The following CDH13 variants were observed in gnomAD, a reference collection of about 807,000 sequenced individuals.
CDH13 encodes the protein cadherin 13.
CDH13 carries 24 observed loss-of-function variants against 63.8 expected under a neutral mutation model. The ratio of observed to expected loss-of-function variants is 0.38; its 90% CI spans 0.27 to 0.53. The LOEUF is 0.53. Among genes scored for constraint, CDH13 ranks in the 20% least tolerant of loss-of-function variants. The pLI, the probability that CDH13 is intolerant of heterozygous loss-of-function variation, is 0.85. For missense variants in CDH13, 1,049 were observed against 903.1 expected, an observed-to-expected ratio of 1.16 and a Z score of -2.07; for synonymous variants, 503 against 355.3, an observed-to-expected ratio of 1.42 and a Z score of -4.67.
chr16:83,522,839 C>T (rs570859549), intron 7 of CDH13, among the ~76,000 whole-genome samples: 2 of 152,254 alleles, frequency 1.3e-5, no homozygotes, highest in African/African-American at 2.4e-5. Context: ...AATTCCCCTC[C>T]ACCCCAAGGA....
rs1002497848 is a variant in CDH13, at chr16:83,345,015, C to T, written c.781+9C>T. ...GGAAGGGTCACCCACAGGTATGTCA[C>T]ATTGGCTTACCTTTAGCGTAATGGC... On this transcript the variant is annotated intron_variant, in intron 6 of 13. Transcript: ENST00000567109. The T allele has an allele frequency of 1.2e-6, 2 of 1,613,198 alleles. No homozygotes were observed. Among genetic ancestry groups the T allele is most frequent in the South Asian group, 1.1e-5 (1 of 90,962 alleles).
intron 5 of CDH13, among the ~76,000 whole-genome samples, chr16:83,283,475 C>G (rs563606750): frequency 1.3e-5 from 2 of 152,206 alleles, no homozygotes; most frequent in South Asian, 4.1e-4. Flanking sequence ...CCTGTAATCC[C>G]AACTACTTGG....
chr16:83,449,182 A>T (rs2072807761), intron 6 of CDH13, among the ~76,000 whole-genome samples: 1 of 152,176 alleles, frequency 6.6e-6, no homozygotes, highest in Admixed American at 6.5e-5. Flanking sequence ...TGCCACAATG[A>T]TCTATAATGA....
At chr16:82,794,700 A>G (rs916913680) in intron 1 of CDH13, among the ~76,000 whole-genome samples, 1 of 152,146 alleles carries the variant, frequency 6.6e-6, no homozygotes, top group Non-Finnish European at 1.5e-5. Flanking sequence ...CACCCTATAA[A>G]TATAATACCC....
At chr16:83,355,646 A>C (rs976079410) in intron 6 of CDH13, among the ~76,000 whole-genome samples, 1 of 152,226 alleles carries the variant, frequency 6.6e-6, no homozygotes, top group African/African-American at 2.4e-5. Flanking sequence ...TACCTGCCGT[A>C]TACCAGGTAT....
chr16:83,520,864 T>A (rs2074815987), intron 7 of CDH13, among the ~76,000 whole-genome samples: 1 of 152,166 alleles, frequency 6.6e-6, no homozygotes, highest in Non-Finnish European at 1.5e-5. Context: ...TCTGCCCAGC[T>A]CAAAATCTTC....
intron 4 of CDH13, among the ~76,000 whole-genome samples, chr16:83,184,968 C>A (rs757007035): frequency 6.6e-6 from 1 of 151,884 alleles, no homozygotes; most frequent in African/African-American, 2.4e-5. Context: ...TTTAAATACA[C>A]ACTTATAAGT....
chr16:83,276,894 C>T (rs9922824), intron 5 of CDH13, among the ~76,000 whole-genome samples: 81 of 152,198 alleles, frequency 5.3e-4, no homozygotes, highest in African/African-American at 1.8e-3. Context: ...AAAAGCATGT[C>T]ACATCTTACG....
At chr16:83,527,760 C>T (rs1258233909) in intron 7 of CDH13, among the ~76,000 whole-genome samples, 3 of 152,172 alleles carry the variant, frequency 2.0e-5, no homozygotes, top group African/African-American at 7.2e-5. Flanking sequence ...AATGCCAGCA[C>T]CTATTACGGT....
intron 8 of CDH13, among the ~76,000 whole-genome samples, chr16:83,621,565 C>A (rs1433567194): frequency 1.4e-5 from 2 of 139,600 alleles, no homozygotes; most frequent in African/African-American, 5.3e-5. Context: ...CGGCTCACCG[C>A]AAACTCCTCC....
intron 11 of CDH13, among the ~76,000 whole-genome samples, chr16:83,760,502 A>C (rs1567577969): frequency 6.6e-6 from 1 of 152,236 alleles, no homozygotes; most frequent in Non-Finnish European, 1.5e-5. Flanking sequence ...TCTGTACAAT[A>C]ATAATGAGTG....
rs1187976475 is a variant in CDH13 at position 83,660,866 on chromosome 16, A to C, written c.1102-9924A>C. On this transcript the variant is annotated intron_variant, in intron 8 of 13. Coordinates refer to ENST00000567109, the MANE Select transcript of CDH13 (RefSeq NM_001257.5). Reference sequence around the variant, plus strand: ...ATTTTCTTTCATTTTTTAAAGAGAGAAACTCAAGTGAAGGAGAGCTACTAA... The same window carrying C: ...ATTTTCTTTCATTTTTTAAAGAGAGCAACTCAAGTGAAGGAGAGCTACTAA... Among the ~76,000 whole-genome samples the C allele has an allele frequency of 3.3e-5, 5 of 152,330 alleles. No individual in the cohort carries two copies. The East Asian group carries it at 9.6e-4, about 29-fold the overall frequency.
At chr16:82,958,979 C>T (rs1049822799) in intron 2 of CDH13, among the ~76,000 whole-genome samples, 11 of 152,344 alleles carry the variant, frequency 7.2e-5, no homozygotes, top group East Asian at 1.9e-4. Flanking sequence ...AAATTTACAA[C>T]GTGCTTAGAC....
rs767145921 is a variant in CDH13 at position 83,217,325 on chromosome 16, C to T, written c.484-20C>T. 2 of 1,613,264 alleles carry T rather than the reference C, an allele frequency of 1.2e-6. No homozygotes were observed. Among genetic ancestry groups the T allele is most frequent in the Non-Finnish European group, 1.7e-6 (2 of 1,179,544 alleles). ...GTGTTTTCCAGGCAGTTTTAAATGT[C>T]TCTCTGTTTTTCTGACTAGGTAGTC... On this transcript the variant is annotated intron_variant, in intron 4 of 13. Coordinates refer to ENST00000567109, the MANE Select transcript of CDH13 (RefSeq NM_001257.5).
At chr16:83,216,427 T>TATATATATATATATAAATATAA (rs1367971790) in intron 4 of CDH13, among the ~76,000 whole-genome samples, 1 of 45,056 alleles carries the variant, frequency 2.2e-5, no homozygotes, top group African/African-American at 5.9e-5. Flanking sequence ...TATATATATA[T>TATATATATATATATAAATATAA]ATATATATAT....
rs572273986 is a variant in CDH13, at chr16:83,609,028, T to G, written c.1101+6434T>G. Among the ~76,000 whole-genome samples, 124 of 152,298 alleles carry G rather than the reference T, an allele frequency of 8.1e-4. 1 individual carries two copies. The highest frequency in any genetic ancestry group is 1.4e-3 in the Non-Finnish European group (92 of 68,016). On this transcript the variant is annotated intron_variant, in intron 8 of 13. Transcript: ENST00000567109. Reference sequence around the variant, plus strand: ...TGTGTCATCAAGAGTTTAGAAACTTTTTTTTTGTTTTTGCTTTCACAACAC... The same window carrying G: ...TGTGTCATCAAGAGTTTAGAAACTTGTTTTTTGTTTTTGCTTTCACAACAC...
At chr16:83,394,471 C>A (rs2091847257) in intron 6 of CDH13, among the ~76,000 whole-genome samples, 1 of 152,004 alleles carries the variant, frequency 6.6e-6, no homozygotes, top group South Asian at 2.1e-4. Context: ...GTGTGGTGTA[C>A]TGGAGGAATT....
intron 10 of CDH13, among the ~76,000 whole-genome samples, chr16:83,724,413 G>T (rs1471580724): frequency 7.6e-6 from 1 of 131,992 alleles, no homozygotes; most frequent in African/African-American, 2.5e-5. Context: ...AGTGATGAAT[G>T]CATAGGTGAG....
intron 11 of CDH13, among the ~76,000 whole-genome samples, chr16:83,774,425 T>G (rs909414489): frequency 6.6e-6 from 1 of 152,040 alleles, no homozygotes; most frequent in Admixed American, 6.6e-5. Context: ...CAGGCTGGAG[T>G]GCAGTGGTGC....
Sources: gnomAD v4.1 joint callset for allele counts (sites outside exome capture counted in the v4.1 genomes callset) on GRCh38, gnomAD v4.1.1 for gene constraint, MANE v1.5 for transcripts, NCBI Gene and HGNC (gene_info 2026-07-23, HGNC 2026-07-21) for gene names.